PCDH7: variants seen among roughly 807,000 people sequenced by gnomAD.
PCDH7 encodes protocadherin-7.
In PCDH7, 17 loss-of-function variants were observed where a neutral mutation model predicts 58.9. The observed-to-expected ratio is 0.29, with a 90% CI of 0.20 to 0.43. The LOEUF (loss-of-function observed/expected upper bound fraction) is 0.43, where lower values mean the gene tolerates loss of function less well. PCDH7 is among the 20% of genes least tolerant of loss of function. PCDH7 has a pLI of 1.00. For missense variants in PCDH7, 1,274 were observed against 1,441.0 expected (o/e 0.88, Z 1.88); for synonymous variants, 664 against 616.4 (o/e 1.08, Z -1.14).
intron 2 of PCDH7, among the ~76,000 whole-genome samples, chr4:30,947,109 T>G (rs1343259353): frequency 6.6e-6 from 1 of 152,142 alleles, no homozygotes; most frequent in Non-Finnish European, 1.5e-5. Flanking sequence ...TCTGGGCTTA[T>G]TTTACTAAGT....
intron 1 of PCDH7, among the ~76,000 whole-genome samples, chr4:30,875,704 A>C (rs1421058805): frequency 3.9e-5 from 6 of 152,084 alleles, no homozygotes; most frequent in Non-Finnish European, 8.8e-5. Context: ...TAGTGATTTA[A>C]GGTCATCTGA....
rs568158461 is a variant in PCDH7, at chr4:30,789,617, C to G, written c.70+65021C>G. 1.4e-4 allele frequency among the ~76,000 whole-genome samples: 21 copies of G among 151,672 alleles called. No homozygotes were observed. The East Asian group carries it at 3.7e-3, about 27-fold the overall frequency. The stretch of plus-strand genomic sequence containing the variant: ...ATGTATAGAGGGTTTTTTTTTCCTT[C>G]TCTGAAGCATGCTGACTTGCAAAAT... On this transcript the variant is annotated intron_variant, in intron 1 of 3. Transcript: ENST00000509759.
At chr4:30,755,516 A>G (rs1271184567) in intron 1 of PCDH7, among the ~76,000 whole-genome samples, 1 of 152,146 alleles carries the variant, frequency 6.6e-6, no homozygotes, top group African/African-American at 2.4e-5. Context: ...TTTCTCAACA[A>G]ATACTTCTAT....
At chr4:31,134,712 T>C (rs1412952766) in intron 3 of PCDH7, among the ~76,000 whole-genome samples, 1 of 152,184 alleles carries the variant, frequency 6.6e-6, no homozygotes, top group African/African-American at 2.4e-5. Context: ...TTTCATGTTC[T>C]GCCTGGCTCA....
intron 3 of PCDH7, among the ~76,000 whole-genome samples, chr4:31,024,588 C>T (rs1031970221): frequency 6.6e-6 from 1 of 151,982 alleles, no homozygotes; most frequent in African/African-American, 2.4e-5. Context: ...ATATTCTTTC[C>T]AATTTATCAC....
At position 30,876,542 on chromosome 4, in the gene PCDH7, A is replaced by G. The variant is rs1029130528; in HGVS notation, c.71-43611A>G. Among the ~76,000 whole-genome samples, 7 of 152,150 alleles carry G rather than the reference A, an allele frequency of 4.6e-5. No individual in the cohort carries two copies. The East Asian group carries it at 1.4e-3, about 29-fold the overall frequency. ...GAAGGATACTTTGTTATAATACTGT[A>G]CATTTGTATTATAATATCACATGCA... On this transcript the variant is annotated intron_variant, in intron 1 of 3. Coordinates refer to the PCDH7 transcript ENST00000509759.
chr4:30,858,367 T>C (rs1733763066), intron 1 of PCDH7, among the ~76,000 whole-genome samples: 1 of 152,182 alleles, frequency 6.6e-6, no homozygotes, highest in East Asian at 1.9e-4. Context: ...TCTCTTTATC[T>C]ATTTGGGTAT....
intron 1 of PCDH7, among the ~76,000 whole-genome samples, chr4:30,891,239 A>G (rs1738566039): frequency 6.6e-6 from 1 of 152,120 alleles, no homozygotes; most frequent in Non-Finnish European, 1.5e-5. Context: ...TACCAGGAAT[A>G]GGAGAATACA....
intron 1 of PCDH7, among the ~76,000 whole-genome samples, chr4:30,833,848 G>C (rs1577981040): frequency 6.6e-6 from 1 of 152,172 alleles, no homozygotes; most frequent in Admixed American, 6.5e-5. Flanking sequence ...TCATATAAAT[G>C]TTGTATAAAG....
At chr4:30,904,562 G>A (rs1441557288) in intron 1 of PCDH7, among the ~76,000 whole-genome samples, 4 of 152,138 alleles carry the variant, frequency 2.6e-5, no homozygotes, top group African/African-American at 9.7e-5. Flanking sequence ...TGTGAAACAT[G>A]TCTCCGCTTC....
chr4:31,069,270 T>C (rs1003671323), intron 3 of PCDH7, among the ~76,000 whole-genome samples: 1 of 152,044 alleles, frequency 6.6e-6, no homozygotes, highest in Non-Finnish European at 1.5e-5. Context: ...GAAACACTAA[T>C]GCATGGAGAA....
intron 1 of PCDH7, among the ~76,000 whole-genome samples, chr4:30,804,127 G>A (rs28489673): frequency 0.018 from 2,749 of 152,266 alleles, 94 homozygotes; most frequent in African/African-American, 0.062. Context: ...AAACATTTAA[G>A]CCATAGCAGT....
chr4:31,062,883 G>T (rs774460424), intron 3 of PCDH7, among the ~76,000 whole-genome samples: 1 of 151,744 alleles, frequency 6.6e-6, no homozygotes, highest in African/African-American at 2.4e-5. Flanking sequence ...ACCAAGTTTT[G>T]TTGCTGTTGC....
chr4:31,138,113 T>C (rs1719833223), intron 3 of PCDH7, among the ~76,000 whole-genome samples: 1 of 150,908 alleles, frequency 6.6e-6, no homozygotes, highest in African/African-American at 2.5e-5. Flanking sequence ...GAAATTCCTC[T>C]CTAAACCTGG....
chr4:31,019,527 T>G (rs1386079194), intron 3 of PCDH7, among the ~76,000 whole-genome samples: 2 of 151,936 alleles, frequency 1.3e-5, no homozygotes, highest in African/African-American at 4.8e-5. Context: ...AAACCCCGTC[T>G]CTACTAAAAA....
intron 1 of PCDH7, among the ~76,000 whole-genome samples, chr4:30,823,283 A>G (rs563615918): frequency 3.8e-4 from 58 of 152,172 alleles, no homozygotes; most frequent in African/African-American, 1.3e-3. Flanking sequence ...TCCGATGCCT[A>G]TGTCCTTTGG....
At chr4:30,901,149 A>G (rs920830899) in intron 1 of PCDH7, among the ~76,000 whole-genome samples, 1 of 152,194 alleles carries the variant, frequency 6.6e-6, no homozygotes, top group African/African-American at 2.4e-5. Context: ...GAGTAAATAA[A>G]GTGAATGAGA....
chr4:30,893,955 C>T (rs1260143742), intron 1 of PCDH7, among the ~76,000 whole-genome samples: 1 of 152,070 alleles, frequency 6.6e-6, no homozygotes, highest in Admixed American at 6.6e-5. Flanking sequence ...GGGAGGCCAC[C>T]AATGGCTAAA....
intron 3 of PCDH7, among the ~76,000 whole-genome samples, chr4:31,138,998 A>AAG (rs1719942508): frequency 6.6e-6 from 1 of 150,406 alleles, no homozygotes; most frequent in African/African-American, 2.5e-5. Context: ...AAGAAAAGAA[A>AAG]AAAAACTCTA....
Sources: allele counts gnomAD v4.1 joint callset (sites outside exome capture counted in the v4.1 genomes callset), GRCh38; gene constraint gnomAD v4.1.1; transcripts MANE v1.5; gene names NCBI Gene and HGNC (gene_info 2026-07-23, HGNC 2026-07-21).